LLGL2: variants seen among roughly 807,000 people sequenced by gnomAD.
LLGL2 encodes the protein LLGL scribble cell polarity complex component 2.
Under a neutral mutation model 123.2 loss-of-function variants are expected in LLGL2, and 81 were observed. The observed-to-expected ratio is 0.66, with a 90% CI of 0.55 to 0.79. The LOEUF is 0.79. Ranked by LOEUF, LLGL2 falls within the 30% of genes least tolerant of loss-of-function variation. LLGL2 has a pLI of 0.00. For missense variants in LLGL2, 1,273 were observed against 1,414.6 expected (o/e 0.90, Z 1.61); for synonymous variants, 577 against 594.1 (o/e 0.97, Z 0.42).
intron 2 of LLGL2, among the ~76,000 whole-genome samples, chr17:75,552,752 C>T (rs554528235): frequency 1.9e-4 from 29 of 152,252 alleles, no homozygotes; most frequent in Admixed American, 3.9e-4. Context: ...TTCTAGAACC[C>T]GAGTTGTTCC....
At position 75,574,191 on chromosome 17, in the gene LLGL2, T is replaced by A; in HGVS notation, c.2906-22T>A. ...CGAGGAGGGCCCAGGCGGGGCGCCC[T>A]GACCCGGCCTCTACCTTCCAGAGAA... On this transcript the variant is annotated intron_variant, in intron 22 of 25. Transcript: ENST00000392550. 7 of 1,521,686 alleles carry A rather than the reference T, an allele frequency of 4.6e-6. No homozygotes were observed. The Middle Eastern group carries it at 5.2e-4, about 112-fold the overall frequency. The allele number at this position is 1,521,686 out of a possible 1,614,324, so 94.3% of individuals were successfully genotyped here.
At chr17:75,573,706 C>G (rs1031057239) in intron 21 of LLGL2, 75 bp downstream of exon 21, 3 of 1,443,852 alleles carry the variant, frequency 2.1e-6, no homozygotes, top group Non-Finnish European at 2.8e-6. Flanking sequence ...GAGGCTCCCA[C>G]TGCTGCCTGG....
Position 75,559,288 on chromosome 17 carries a change from G to A in LLGL2, c.408G>A (p.Leu136=), listed in dbSNP as rs764103738. ...APSATQITVV[L]PHSSCELLYL... is the part of the protein sequence containing the mutation. ...GTGCCACACAGATCACCGTGGTCCT[G>A]CCACATTCCTCCTGCGAGCTGCTCT... is the stretch of plus-strand genomic sequence containing the variant. Residue 136 remains leucine, a synonymous_variant, in exon 6 of 26, where the codon CTG becomes CTA. Transcript: ENST00000392550. This position sits in a 1 kb window ranked among gnomAD's most constrained non-coding sequence, Gnocchi z 4.6. 7 of 1,612,622 alleles carry A rather than the reference G, an allele frequency of 4.3e-6. No homozygotes were observed. The highest frequency in any genetic ancestry group is 2.7e-5 in the African/African-American group (2 of 75,010).
intron 3 of LLGL2, 68 bp downstream of exon 3, chr17:75,556,211 C>CT: frequency 1.7e-6 from 2 of 1,204,086 alleles, no homozygotes; most frequent in Non-Finnish European, 2.4e-6. Flanking sequence ...GGAGGGACAT[C>CT]TTTTCCTTCC....
chr17:75,563,430 C>T lies in LLGL2; in HGVS notation c.793C>T (p.Gln265Ter). 6.2e-7 allele frequency: 1 copy of T among 1,612,812 alleles called. No homozygotes were observed. Among genetic ancestry groups the T allele is most frequent in the Non-Finnish European group, 8.5e-7 (1 of 1,180,030 alleles). ...GTGGCCCGTGTCCAGCGAAGCCCAG[C>T]AACCAGAGCCCCTCCGCAGCCTCGT... ...CQWPVSSEAQ[Q>*]PEPLRSLVPY... Residue 265 changes from glutamine (Q) to a stop codon, truncating the protein, a stop_gained, in exon 8 of 26, where the codon CAA becomes TAA. Transcript: ENST00000392550. LOFTEE classifies it high-confidence loss of function.
chr17:75,560,045 C>CAGG (rs1246375124), intron 6 of LLGL2, among the ~76,000 whole-genome samples: 1 of 152,154 alleles, frequency 6.6e-6, no homozygotes, highest in African/African-American at 2.4e-5. Context: ...TTCCAAGGGG[C>CAGG]AGGAGGAGGC....
intron 10 of LLGL2, chr17:75,568,190 G>A: frequency 7.5e-7 from 1 of 1,340,022 alleles, no homozygotes; most frequent in South Asian, 1.9e-5. Context: ...GGCAGGCACA[G>A]CTGCATGCCT....
In LLGL2 at chr17:75,558,721, C is replaced by A. The variant is rs759765759; in HGVS notation, c.371+94C>A. 4 of 991,564 alleles carry A rather than the reference C, an allele frequency of 4.0e-6. No homozygotes were observed. Among genetic ancestry groups the A allele is most frequent in the Non-Finnish European group, 6.1e-6 (4 of 650,466 alleles). 61.4% of individuals were successfully genotyped at this position (991,564 alleles called of 1,614,324 possible). A position where few individuals can be genotyped will look rare whatever the true frequency, so the allele number is the denominator to read the frequency against. On this transcript the variant is annotated intron_variant, in intron 5 of 25. Coordinates refer to ENST00000392550, the MANE Select transcript of LLGL2 (RefSeq NM_001031803.2). The surrounding 1 kb of genome is among the most constrained non-coding windows in gnomAD (Gnocchi z 4.0). Reference sequence around the variant, plus strand: ...GACTCACCCTTTGTGAGGCCTGTTGCGCCCCTGGCAGTGACTGGCATGCGT... The same window carrying A: ...GACTCACCCTTTGTGAGGCCTGTTGAGCCCCTGGCAGTGACTGGCATGCGT...
At chr17:75,528,866 G>A (rs2053671546) in intron 1 of LLGL2, among the ~76,000 whole-genome samples, 2 of 152,002 alleles carry the variant, frequency 1.3e-5, no homozygotes, top group Non-Finnish European at 2.9e-5. Flanking sequence ...AAATTAGAGA[G>A]CAAAAAATTA....
chr17:75,543,167 C>A (rs1409374065), intron 1 of LLGL2: 4 of 319,500 alleles, frequency 1.3e-5, no homozygotes, highest in South Asian at 1.3e-4. Flanking sequence ...TTTTCCTACC[C>A]CCATTATAAG....
intron 1 of LLGL2, among the ~76,000 whole-genome samples, chr17:75,535,609 G>T (rs903091340): frequency 6.6e-6 from 1 of 152,256 alleles, no homozygotes; most frequent in Non-Finnish European, 1.5e-5. Context: ...AACAGTGGCA[G>T]GGTGGGAGAA....
intron 6 of LLGL2, among the ~76,000 whole-genome samples, chr17:75,560,066 G>A (rs371650238): frequency 6.6e-6 from 1 of 152,288 alleles, no homozygotes; most frequent in African/African-American, 2.4e-5. Context: ...CAGGGTGCTG[G>A]GCCCCTGGCC....
Position 75,559,230 on chromosome 17 carries a change from C to T in LLGL2, c.372-22C>T, listed in dbSNP as rs375625695. ...CCCCTGCTGGGCAGTGGTCGGCTCACGGGCAGCTGTTCTTGTCACAGGGCT... is the reference window on the plus strand; with the variant it reads ...CCCCTGCTGGGCAGTGGTCGGCTCATGGGCAGCTGTTCTTGTCACAGGGCT... On this transcript the variant is annotated intron_variant, in intron 5 of 25. Coordinates refer to ENST00000392550, the MANE Select transcript of LLGL2 (RefSeq NM_001031803.2). The surrounding 1 kb of genome is among the most constrained non-coding windows in gnomAD (Gnocchi z 4.6). 2.4e-5 allele frequency: 38 copies of T among 1,571,750 alleles called. No homozygotes were observed. The African/African-American group carries it at 2.6e-4, about 11-fold the overall frequency.
At chr17:75,553,516 G>A (rs1420877381) in intron 2 of LLGL2, among the ~76,000 whole-genome samples, 1 of 152,222 alleles carries the variant, frequency 6.6e-6, no homozygotes, top group Admixed American at 6.5e-5. Flanking sequence ...CTCCTTTTCT[G>A]CTGCTTTGAG....
intron 1 of LLGL2, among the ~76,000 whole-genome samples, chr17:75,537,793 C>T (rs567934711): frequency 1.7e-4 from 25 of 146,190 alleles, no homozygotes; most frequent in Non-Finnish European, 3.6e-4. Context: ...GATGGGAAGG[C>T]TTTTTGGAAG....
rs770558755 is a variant in LLGL2 at position 75,573,135 on chromosome 17, A to G, written c.2582A>G (p.Glu861Gly). The G allele has an allele frequency of 5.0e-6, 8 of 1,612,978 alleles. No individual in the cohort carries two copies. The South Asian group carries it at 6.6e-5, about 13-fold the overall frequency. ...FGSRRAEDYGEHHLAVLTNLG... is the reference protein window; with the variant it reads ...FGSRRAEDYGGHHLAVLTNLG... ...AGTCGTCGAGCCGAGGACTACGGGG[A>G]GCACCACCTGGCAGTCCTTACCAAC... The change falls in exon 20 of 26, where the codon GAG becomes GGG. Residue 861 changes from glutamate (E) to glycine (G), a missense_variant. Glu to Gly is a moderately conservative substitution (Grantham distance 98). Coordinates refer to ENST00000392550, the MANE Select transcript of LLGL2 (RefSeq NM_001031803.2).
At position 75,559,365 on chromosome 17, in the gene LLGL2, G is replaced by C. The variant is rs61744731; in HGVS notation, c.485G>C (p.Arg162Pro). 1.2e-6 allele frequency: 2 copies of C among 1,613,242 alleles called. No homozygotes were observed. The highest frequency in any genetic ancestry group is 1.7e-6 in the Non-Finnish European group (2 of 1,179,894). ...NVFVVQLPAF[R>P]ALEDRTISSD... ...TTTGTGGTGCAGCTGCCAGCTTTTC[G>C]TGCGCTGGAGGACCGGACCATCAGC... The change falls in exon 6 of 26, where the codon CGT (arginine) becomes CCT (proline). Residue 162 changes from arginine (R) to proline (P), a missense_variant. By Grantham distance (103) the Arg-to-Pro change is moderately radical. Transcript: ENST00000392550. The surrounding 1 kb of genome is among the most constrained non-coding windows in gnomAD (Gnocchi z 4.6).
rs2055373016 is a variant in LLGL2, at chr17:75,564,756, C to T, written c.1036+249C>T. Reference sequence around the variant, plus strand: ...GCACGTACCTGTAGTCCTAGCTACTCAGGAGGCTGAGGTGGGAGGATCACT... The same window carrying T: ...GCACGTACCTGTAGTCCTAGCTACTTAGGAGGCTGAGGTGGGAGGATCACT... On this transcript the variant is annotated intron_variant, in intron 10 of 25. Transcript: ENST00000392550. This position sits in a 1 kb window ranked among gnomAD's most constrained non-coding sequence, Gnocchi z 4.9. The T allele has an allele frequency of 2.2e-6, 1 of 457,156 alleles. No homozygotes were observed. The highest frequency in any genetic ancestry group is 3.7e-6 in the Non-Finnish European group (1 of 269,848). 28.3% of individuals were successfully genotyped at this position (457,156 alleles called of 1,614,324 possible).
chr17:75,536,989 G>T (rs1055217452), intron 1 of LLGL2, among the ~76,000 whole-genome samples: 10 of 152,050 alleles, frequency 6.6e-5, no homozygotes, highest in Admixed American at 6.6e-4. Context: ...CACCATGCCC[G>T]GCTAATTTTT....
Sources: allele counts gnomAD v4.1 joint callset (sites outside exome capture counted in the v4.1 genomes callset), GRCh38; gene constraint gnomAD v4.1.1; non-coding constraint Gnocchi (gnomAD v3.1); transcripts MANE v1.5; gene names NCBI Gene and HGNC (gene_info 2026-07-23, HGNC 2026-07-21).